CHP1: variants seen among roughly 807,000 people sequenced by gnomAD.
The protein encoded by CHP1 is calcineurin B homologous protein 1.
CHP1 carries 11 observed loss-of-function variants against 27.4 expected under a neutral mutation model. The ratio of observed to expected loss-of-function variants is 0.40; its 90% CI spans 0.25 to 0.67. The LOEUF (loss-of-function observed/expected upper bound fraction) is 0.67, where lower values mean the gene tolerates loss of function less well. Ranked by LOEUF, CHP1 falls within the 30% of genes least tolerant of loss-of-function variation. CHP1 has a pLI of 0.38. For missense variants in CHP1, 169 were observed against 251.3 expected (o/e 0.67, Z 2.22); for synonymous variants, 89 against 87.4 (o/e 1.02, Z -0.10).
chr15:41,240,684 C>T (rs866882039), intron 1 of CHP1, among the ~76,000 whole-genome samples: 4 of 139,614 alleles, frequency 2.9e-5, no homozygotes, highest in Middle Eastern at 4.2e-3. Flanking sequence ...ACCCAGAAGG[C>T]GGAGGTTGTG....
intron 5 of CHP1, among the ~76,000 whole-genome samples, chr15:41,278,146 C>G (rs1355326415): frequency 6.6e-6 from 1 of 151,526 alleles, no homozygotes; most frequent in South Asian, 2.1e-4. Context: ...GTCTAACATG[C>G]TGAAACCCCA....
At chr15:41,253,819 C>G (rs2047383998) in intron 2 of CHP1, among the ~76,000 whole-genome samples, 3 of 151,936 alleles carry the variant, frequency 2.0e-5, no homozygotes, top group Admixed American at 1.3e-4. Context: ...GGGTCTCACT[C>G]TGTCACCCAG....
intron 1 of CHP1, among the ~76,000 whole-genome samples, chr15:41,243,027 AG>A (rs1036207833): frequency 6.6e-6 from 1 of 151,950 alleles, no homozygotes; most frequent in Non-Finnish European, 1.5e-5. Flanking sequence ...GAAACTTCAA[AG>A]TTTCACAGCT....
chr15:41,247,722 C>T (rs1010713909), intron 2 of CHP1, among the ~76,000 whole-genome samples: 2 of 151,368 alleles, frequency 1.3e-5, no homozygotes, highest in Non-Finnish European at 2.9e-5. Context: ...CCTGTAATCC[C>T]AGCACTTTGG....
rs1431226552 is a variant in CHP1 at position 41,280,052 on chromosome 15, A to G, written c.*663A>G. ...TTTGGTAATCAATACTTCTCTCAGA[A>G]GTATGAGACCATCCTCTGCACTCTG... On this transcript the variant is annotated 3_prime_UTR_variant, in exon 7 of 7. Transcript: ENST00000334660. 2 of 152,232 alleles carry G rather than the reference A, an allele frequency of 1.3e-5. No homozygotes were observed. Among genetic ancestry groups the G allele is most frequent in the Non-Finnish European group, 2.9e-5 (2 of 68,102 alleles). The allele number at this position is 152,232 out of a possible 1,614,324, so 9.4% of individuals were successfully genotyped here.
chr15:41,259,883 A>G (rs1164238443), intron 3 of CHP1, among the ~76,000 whole-genome samples: 5 of 152,118 alleles, frequency 3.3e-5, no homozygotes, highest in South Asian at 2.1e-4. Flanking sequence ...CTCCCCAAGT[A>G]GCTGGGACTA....
In CHP1 at chr15:41,250,183, A is replaced by G. The variant is rs540785732; in HGVS notation, c.140+6444A>G. Among the ~76,000 whole-genome samples, 6 of 152,150 alleles carry G rather than the reference A, an allele frequency of 3.9e-5. No individual in the cohort carries two copies. The East Asian group carries it at 1.2e-3, about 29-fold the overall frequency. Reference sequence around the variant, plus strand: ...ATAGGCTACCTAATTACTAGATTTCACCACATCTTTAATTTACCTGGGTGA... The same window carrying G: ...ATAGGCTACCTAATTACTAGATTTCGCCACATCTTTAATTTACCTGGGTGA... On this transcript the variant is annotated intron_variant, in intron 2 of 6. Transcript: ENST00000334660.
At chr15:41,250,622 T>G (rs923238040) in intron 2 of CHP1, among the ~76,000 whole-genome samples, 6 of 148,342 alleles carry the variant, frequency 4.0e-5, no homozygotes, top group African/African-American at 1.5e-4. Context: ...AAGAAATAAT[T>G]TTTAAAATAG....
intron 2 of CHP1, among the ~76,000 whole-genome samples, chr15:41,253,951 A>ATT (rs111456903): frequency 7.0e-6 from 1 of 142,008 alleles, no homozygotes; most frequent in Non-Finnish European, 1.5e-5. Context: ...TGCCTGGCTA[A>ATT]TTTTTTTTTT....
chr15:41,271,163 G>C (rs1260372961), intron 5 of CHP1, among the ~76,000 whole-genome samples: 1 of 150,968 alleles, frequency 6.6e-6, no homozygotes, highest in East Asian at 1.9e-4. Context: ...ACTGAGGCAG[G>C]AGAATGGCAT....
intron 2 of CHP1, among the ~76,000 whole-genome samples, chr15:41,247,266 G>C (rs2047340095): frequency 6.6e-6 from 1 of 152,056 alleles, no homozygotes; most frequent in East Asian, 1.9e-4. Flanking sequence ...GTACTTGGGA[G>C]GTTGAGGCAG....
intron 4 of CHP1, chr15:41,264,039 C>G (rs2047447090): frequency 4.3e-5 from 19 of 441,290 alleles, no homozygotes; most frequent in South Asian, 3.6e-4. Context: ...GATTCTGTTT[C>G]AAGAACTAGG....
chr15:41,251,117 C>T (rs1032575457), intron 2 of CHP1, among the ~76,000 whole-genome samples: 3 of 152,102 alleles, frequency 2.0e-5, no homozygotes, highest in Admixed American at 2.0e-4. Context: ...CAGGTGTGAG[C>T]CACTGTGCCT....
intron 2 of CHP1, among the ~76,000 whole-genome samples, chr15:41,255,408 C>T (rs545072664): frequency 7.2e-5 from 11 of 152,356 alleles, no homozygotes; most frequent in Admixed American, 5.9e-4. Flanking sequence ...TGCGGTGGCT[C>T]ACGCCTGTAA....
At chr15:41,272,052 G>C (rs1303367251) in intron 5 of CHP1, 1 of 152,098 alleles carries the variant, frequency 6.6e-6, no homozygotes, top group African/African-American at 2.4e-5. Context: ...TGATTCTTGT[G>C]AAAGTCCTGG....
intron 5 of CHP1, among the ~76,000 whole-genome samples, 180 bp downstream of exon 5, chr15:41,270,798 T>C (rs560949080): frequency 2.0e-5 from 3 of 152,320 alleles, no homozygotes; most frequent in Admixed American, 2.0e-4. Flanking sequence ...TGTGTTTTCA[T>C]AGACAGATGT....
At chr15:41,262,641 C>A in intron 3 of CHP1, 115 bp from the exon 4 acceptor site, 1 of 1,330,488 alleles carries the variant, frequency 7.5e-7, no homozygotes, top group Non-Finnish European at 1.1e-6. Flanking sequence ...GGAAAGAAAC[C>A]TCATTAAATG....
intron 1 of CHP1, among the ~76,000 whole-genome samples, chr15:41,233,515 C>A (rs981308322): frequency 6.6e-6 from 1 of 152,302 alleles, no homozygotes; most frequent in East Asian, 1.9e-4. Flanking sequence ...GGGAGATTCT[C>A]TCCACAACCA....
At chr15:41,278,958 A>G in intron 6 of CHP1, 69 bp downstream of exon 6, 10 of 1,595,032 alleles carry the variant, frequency 6.3e-6, no homozygotes, top group Non-Finnish European at 8.6e-6. Flanking sequence ...TACGCCTGTA[A>G]TCCCAGCACT....
Sources: gnomAD v4.1 joint callset for allele counts (sites outside exome capture counted in the v4.1 genomes callset) on GRCh38, gnomAD v4.1.1 for gene constraint, MANE v1.5 for transcripts, NCBI Gene and HGNC (gene_info 2026-07-23, HGNC 2026-07-21) for gene names.